RHOBTB1: variants seen among roughly 807,000 people sequenced by gnomAD.
The protein encoded by RHOBTB1 is rho-related BTB domain-containing protein 1.
A neutral mutation model predicts 71.6 loss-of-function variants in RHOBTB1; 40 were observed. The ratio of observed to expected loss-of-function variants is 0.56; its 90% CI spans 0.43 to 0.73. The LOEUF (loss-of-function observed/expected upper bound fraction) is 0.73. Ranked by LOEUF, RHOBTB1 falls within the 30% of genes least tolerant of loss-of-function variation. RHOBTB1 has a pLI of 0.00. For missense variants in RHOBTB1, 797 were observed against 894.0 expected (o/e 0.89, Z 1.38); for synonymous variants, 319 against 334.9 (o/e 0.95, Z 0.52).
intron 8 of RHOBTB1, among the ~76,000 whole-genome samples, 191 bp downstream of exon 8, chr10:60,877,717 T>C (rs937331063): frequency 1.3e-5 from 2 of 152,184 alleles, no homozygotes; most frequent in African/African-American, 4.8e-5. Context: ...ACAGAGTGGG[T>C]GCTTAAGAAA....
chr10:60,890,146 T>C (rs945292548), intron 5 of RHOBTB1, among the ~76,000 whole-genome samples: 11 of 152,134 alleles, frequency 7.2e-5, no homozygotes, highest in Non-Finnish European at 1.2e-4. Flanking sequence ...CTTTCCCACT[T>C]CTAGTTAAAT....
chr10:60,885,620 G>A (rs2081532714), intron 7 of RHOBTB1, among the ~76,000 whole-genome samples: 1 of 152,188 alleles, frequency 6.6e-6, no homozygotes, highest in African/African-American at 2.4e-5. Context: ...TTGCAGATGA[G>A]GAGGTTGAGG....
the RHOBTB1 span, among the ~76,000 whole-genome samples, chr10:60,864,163 C>T: frequency 1.3e-5 from 2 of 152,168 alleles, no homozygotes; most frequent in African/African-American, 4.8e-5. Flanking sequence ...TTACTGGTCT[C>T]ATGGAAGGGC....
At chr10:60,862,863 C>CCCTTCCTT in the RHOBTB1 span, among the ~76,000 whole-genome samples, 1 of 125,194 alleles carries the variant, frequency 8.0e-6, no homozygotes, top group African/African-American at 3.1e-5. Context: ...CTCCCTCCCT[C>CCCTTCCTT]CCTTCCTTCC....
chr10:60,974,800 C>T (rs2086263873), intron 2 of RHOBTB1, among the ~76,000 whole-genome samples: 1 of 152,044 alleles, frequency 6.6e-6, no homozygotes. Context: ...GCAGAAGAGA[C>T]TTTATTTCTC....
chr10:60,933,290 G>A (rs2084364772), intron 2 of RHOBTB1, among the ~76,000 whole-genome samples: 1 of 152,146 alleles, frequency 6.6e-6, no homozygotes, highest in Admixed American at 6.5e-5. Flanking sequence ...CACTGTTTGT[G>A]GAAGTGGAAA....
the RHOBTB1 span, among the ~76,000 whole-genome samples, chr10:60,864,301 C>T: frequency 2.5e-3 from 375 of 152,286 alleles, 1 homozygote; most frequent in African/African-American, 8.5e-3. Context: ...GCACTTATCA[C>T]AACGCATGGC....
At chr10:60,929,734 T>G (rs531894972) in intron 2 of RHOBTB1, among the ~76,000 whole-genome samples, 1 of 152,214 alleles carries the variant, frequency 6.6e-6, no homozygotes, top group East Asian at 1.9e-4. Flanking sequence ...TGAAGAAAAC[T>G]TTTTAAGTAT....
chr10:60,977,093 A>G (rs1356877971), intron 2 of RHOBTB1, among the ~76,000 whole-genome samples: 1 of 152,072 alleles, frequency 6.6e-6, no homozygotes, highest in African/African-American at 2.4e-5. Flanking sequence ...CACGTTTCTA[A>G]TTAAACAAAT....
intron 6 of RHOBTB1, 65 bp downstream of exon 6, chr10:60,888,147 G>T: frequency 6.5e-7 from 1 of 1,530,298 alleles, no homozygotes; most frequent in Non-Finnish European, 8.8e-7. Context: ...TCCTGCTCAT[G>T]TCTGGCTAAC....
rs1589134111 is a variant in RHOBTB1 at position 60,871,118 on chromosome 10, A to G, written c.*364T>C. On this transcript the variant is annotated 3_prime_UTR_variant, in exon 11 of 11. Transcript: ENST00000337910. ...CACAGTATTTTCATTTCAACAAAAT[A>G]CAACAGACCATATAAAAATATTTTC... The G allele has an allele frequency of 5.5e-6, 1 of 180,654 alleles. No individual in the cohort carries two copies. The highest frequency in any genetic ancestry group is 2.4e-5 in the African/African-American group (1 of 42,228). 11.2% of individuals were successfully genotyped at this position (180,654 alleles called of 1,614,324 possible).
intron 1 of RHOBTB1, among the ~76,000 whole-genome samples, chr10:60,994,760 A>T (rs1202370146): frequency 6.6e-6 from 1 of 152,106 alleles, no homozygotes; most frequent in Non-Finnish European, 1.5e-5. Flanking sequence ...ACTGTCATAC[A>T]TGCAACTATG....
At chr10:60,920,315 A>G (rs2083485580) in intron 2 of RHOBTB1, among the ~76,000 whole-genome samples, 1 of 152,144 alleles carries the variant, frequency 6.6e-6, no homozygotes, top group African/African-American at 2.4e-5. Flanking sequence ...GGGGTCCTTG[A>G]AAAAAACCAA....
At chr10:60,971,197 A>G (rs909710839) in intron 2 of RHOBTB1, among the ~76,000 whole-genome samples, 2 of 151,896 alleles carry the variant, frequency 1.3e-5, no homozygotes, top group Non-Finnish European at 2.9e-5. Context: ...AAAATTTTCT[A>G]CTGGTTCCAA....
intron 9 of RHOBTB1, 109 bp from the exon 10 acceptor site, chr10:60,872,399 T>C (rs1311555402): frequency 4.0e-6 from 3 of 758,526 alleles, no homozygotes; most frequent in Non-Finnish European, 6.8e-6. Flanking sequence ...CTTATATAAC[T>C]AATTCGGTAA....
chr10:60,924,986 G>A (rs1266328571), intron 2 of RHOBTB1, among the ~76,000 whole-genome samples: 2 of 152,184 alleles, frequency 1.3e-5, no homozygotes, highest in Non-Finnish European at 2.9e-5. Context: ...GACGGGGATA[G>A]ATCACTCATG....
At chr10:60,866,832 T>G (rs894269548), downstream of RHOBTB1, among the ~76,000 whole-genome samples, 7 of 108,700 alleles carry the variant, frequency 6.4e-5, no homozygotes, top group African/African-American at 3.2e-4. Context: ...TATTTTCTAA[T>G]TGTTAAACCA....
In RHOBTB1 at chr10:60,872,094, C is replaced by G. The variant is rs1473498973; in HGVS notation, c.1921+91G>C. 3.2e-6 allele frequency: 3 copies of G among 948,092 alleles called. No individual in the cohort carries two copies. The African/African-American group carries it at 4.8e-5, about 15-fold the overall frequency. 58.7% of individuals were successfully genotyped at this position (948,092 alleles called of 1,614,324 possible). A position where few individuals can be genotyped will look rare whatever the true frequency, so the allele number is the denominator to read the frequency against. On this transcript the variant is annotated intron_variant, in intron 10 of 10. Coordinates refer to ENST00000337910, the MANE Select transcript of RHOBTB1 (RefSeq NM_014836.5). ...CGAGGAATCATCCATGAGCTGCCTG[C>G]TGACCATGTTCCTTTCCAGGGACAT...
chr10:60,930,224 C>T (rs948012896), intron 2 of RHOBTB1, among the ~76,000 whole-genome samples: 1 of 152,224 alleles, frequency 6.6e-6, no homozygotes, highest in Non-Finnish European at 1.5e-5. Flanking sequence ...GATTAAGATA[C>T]TTGCTAAGTG....
Sources: gnomAD v4.1 joint callset for allele counts (sites outside exome capture counted in the v4.1 genomes callset) on GRCh38, gnomAD v4.1.1 for gene constraint, MANE v1.5 for transcripts, NCBI Gene and HGNC (gene_info 2026-07-23, HGNC 2026-07-21) for gene names.